Variants in DSCAML1 observed in about 807,000 individuals in gnomAD.
DSCAML1 encodes the protein cell adhesion molecule DSCAML1.
DSCAML1 carries 38 observed loss-of-function variants against 200.5 expected under a neutral mutation model. The ratio of observed to expected loss-of-function variants is 0.19; its 90% CI spans 0.15 to 0.25. DSCAML1 has a LOEUF of 0.25. DSCAML1 is among the 10% of genes least tolerant of loss of function. The pLI is 1.00. For missense variants in DSCAML1, 2,223 were observed against 2,858.8 expected (o/e 0.78, Z 5.07); for synonymous variants, 1,215 against 1,165.0 (o/e 1.04, Z -0.87).
chr11:117,783,482 C>T (rs1413318446), intron 1 of DSCAML1, among the ~76,000 whole-genome samples: 1 of 152,124 alleles, frequency 6.6e-6, no homozygotes, highest in Non-Finnish European at 1.5e-5. Flanking sequence ...TAGTAATAGC[C>T]ACCACTGACT....
chr11:117,533,578 C>T (rs945014010), intron 3 of DSCAML1, among the ~76,000 whole-genome samples: 3 of 152,336 alleles, frequency 2.0e-5, no homozygotes, highest in East Asian at 3.8e-4. Context: ...AGGACAGGCA[C>T]GGTGCTCTAT....
intron 3 of DSCAML1, among the ~76,000 whole-genome samples, chr11:117,732,538 G>T (rs1175374714): frequency 6.6e-6 from 1 of 152,156 alleles, no homozygotes; most frequent in Non-Finnish European, 1.5e-5. Context: ...CTGGATGAAG[G>T]CTGGAATTGT....
chr11:117,458,824 C>T lies in DSCAML1; in HGVS notation c.3498G>A (p.Gln1166=). 1 of 1,614,080 alleles carries T rather than the reference C, an allele frequency of 6.2e-7. No individual in the cohort carries two copies. The highest frequency in any genetic ancestry group is 8.5e-7 in the Non-Finnish European group (1 of 1,180,004). ...CCCCAGCCTGGGTGTAGGCCAGCAC[C>T]TGGACGCTGTAGTTGGTGAACTTCT... ...GMEKFTNYSV[Q]VLAYTQAGDG... The change falls in exon 19 of 33, where the codon CAG becomes CAA. Residue 1166 remains glutamine, a synonymous_variant. Transcript: ENST00000651296.
intron 19 of DSCAML1, 125 bp from the exon 20 acceptor site, chr11:117,450,813 C>A: frequency 8.4e-7 from 1 of 1,187,844 alleles, no homozygotes; most frequent in Non-Finnish European, 1.2e-6. Context: ...CATCCTTGAG[C>A]TGTGGTTTAG....
chr11:117,456,257 C>A (rs893943171), intron 19 of DSCAML1, among the ~76,000 whole-genome samples: 6 of 152,184 alleles, frequency 3.9e-5, no homozygotes, highest in Admixed American at 3.9e-4. Context: ...CAGAGGATGG[C>A]AGAGCAGAAG....
intron 3 of DSCAML1, among the ~76,000 whole-genome samples, chr11:117,690,200 C>A (rs2053472039): frequency 6.6e-6 from 1 of 152,256 alleles, no homozygotes; most frequent in Admixed American, 6.5e-5. Context: ...TTTATTTGTT[C>A]AACAGATTCT....
chr11:117,489,308 G>A lies in DSCAML1; in HGVS notation c.2360-7146C>T, dbSNP rs138642150. ...CGGGGTGGGGTATATGCACAGGGCT[G>A]GGTCCTGCGTGACAAATGCTAATGA... On this transcript the variant is annotated intron_variant, in intron 11 of 32. Coordinates refer to ENST00000651296, the MANE Select transcript of DSCAML1 (RefSeq NM_020693.4). The surrounding 1 kb of genome is among the most constrained non-coding windows in gnomAD (Gnocchi z 4.8). 3.3e-5 allele frequency among the ~76,000 whole-genome samples: 5 copies of A among 152,326 alleles called. No homozygotes were observed. The highest frequency in any genetic ancestry group is 2.4e-5 in the African/African-American group (1 of 41,576).
intron 14 of DSCAML1, among the ~76,000 whole-genome samples, chr11:117,473,047 C>T (rs955116241): frequency 6.6e-6 from 1 of 152,112 alleles, no homozygotes; most frequent in Non-Finnish European, 1.5e-5. Context: ...GTCACTATTC[C>T]GTCTAATTTT....
intron 14 of DSCAML1, among the ~76,000 whole-genome samples, chr11:117,473,364 G>A (rs1410280485): frequency 6.6e-6 from 1 of 152,124 alleles, no homozygotes; most frequent in African/African-American, 2.4e-5. Flanking sequence ...GGGCGTGGTG[G>A]TGGGTGCCTG....
In DSCAML1 at chr11:117,450,808, T is replaced by C. The variant is rs150888715; in HGVS notation, c.3569-120A>G. ...GGAGAGCTTCTTGGAGGTGGCATCC[T>C]TGAGCTGTGGTTTAGAAGGGGAGGG... On this transcript the variant is annotated intron_variant, in intron 19 of 32. Coordinates refer to ENST00000651296, the MANE Select transcript of DSCAML1 (RefSeq NM_020693.4). 354 of 1,234,124 alleles carry C rather than the reference T, an allele frequency of 2.9e-4. 1 individual carries two copies. In the African/African-American group the frequency reaches 4.7e-3, roughly 17 times the overall value. The allele number at this position is 1,234,124 out of a possible 1,614,324, so 76.4% of individuals were successfully genotyped here.
intron 3 of DSCAML1, among the ~76,000 whole-genome samples, chr11:117,608,916 C>A (rs2051628365): frequency 6.6e-6 from 1 of 151,804 alleles, no homozygotes; most frequent in Admixed American, 6.6e-5. Flanking sequence ...ACTTGTAATC[C>A]CAGCACTTGG....
At chr11:117,617,134 G>A (rs1251094114) in intron 3 of DSCAML1, among the ~76,000 whole-genome samples, 2 of 152,146 alleles carry the variant, frequency 1.3e-5, no homozygotes, top group Non-Finnish European at 2.9e-5. Flanking sequence ...GAAGAAGATG[G>A]GGGCCCAGAG....
intron 3 of DSCAML1, among the ~76,000 whole-genome samples, chr11:117,763,376 G>T (rs1188224036): frequency 6.6e-6 from 1 of 151,394 alleles, no homozygotes; most frequent in Non-Finnish European, 1.5e-5. Flanking sequence ...AAGGGAGGCT[G>T]TGTCAGTGAA....
chr11:117,666,877 G>C (rs184289937), intron 3 of DSCAML1, among the ~76,000 whole-genome samples: 1 of 152,188 alleles, frequency 6.6e-6, no homozygotes, highest in African/African-American at 2.4e-5. Flanking sequence ...TAGCAGATGC[G>C]TGGCACGTGG....
At chr11:117,687,937 C>G (rs1438721924) in intron 3 of DSCAML1, among the ~76,000 whole-genome samples, 1 of 152,166 alleles carries the variant, frequency 6.6e-6, no homozygotes, top group East Asian at 1.9e-4. Context: ...GTCCAAGTAA[C>G]AAGGATGTCT....
chr11:117,790,191 G>A (rs1199678433), intron 1 of DSCAML1, among the ~76,000 whole-genome samples: 1 of 152,216 alleles, frequency 6.6e-6, no homozygotes, highest in South Asian at 2.1e-4. Flanking sequence ...ACATAAGATG[G>A]GACTGTGCCT....
rs2048422405 is a variant in DSCAML1, at chr11:117,458,772, T to G, written c.3550A>C (p.Ile1184Leu). 3 of 1,613,544 alleles carry G rather than the reference T, an allele frequency of 1.9e-6. No individual in the cohort carries two copies. Among genetic ancestry groups the G allele is most frequent in the East Asian group, 2.2e-5 (1 of 44,868 alleles). Residue 1184 changes from isoleucine (I) to leucine (L), a missense_variant, in exon 19 of 33, where the codon ATC (isoleucine) becomes CTC (leucine). Transcript: ENST00000651296. ...GDGVRSSVLY[I>L]QTKEDVPGPP... ...GACTCACCGTCCTCCTTGGTCTGGA[T>G]GTAGAGCACACTGCTGCGTACGCCG...
At chr11:117,686,552 G>A (rs181162311) in intron 3 of DSCAML1, among the ~76,000 whole-genome samples, 14 of 152,306 alleles carry the variant, frequency 9.2e-5, no homozygotes, top group African/African-American at 2.4e-4. Flanking sequence ...CATGCCCCCC[G>A]GCACCTGGAG....
At chr11:117,493,186 C>G (rs919764783) in intron 11 of DSCAML1, among the ~76,000 whole-genome samples, 1 of 152,180 alleles carries the variant, frequency 6.6e-6, no homozygotes, top group African/African-American at 2.4e-5. Context: ...ACTCGCCAGG[C>G]CTTACTTTGT....
Sources: gnomAD v4.1 joint callset for allele counts (sites outside exome capture counted in the v4.1 genomes callset) on GRCh38, gnomAD v4.1.1 for gene constraint, Gnocchi (gnomAD v3.1) non-coding constraint, MANE v1.5 for transcripts, NCBI Gene and HGNC (gene_info 2026-07-23, HGNC 2026-07-21) for gene names.